PABIR3: variants seen among roughly 807,000 people sequenced by gnomAD.
The protein encoded by PABIR3 is PABIR family member 3.
A neutral mutation model predicts 23.1 loss-of-function variants in PABIR3; 20 were observed. The observed-to-expected ratio is 0.86, with a 90% CI of 0.61 to 1.26. PABIR3 has a LOEUF of 1.26. PABIR3 is among the 50% of genes most tolerant of loss of function. PABIR3 has a pLI of 0.00. For synonymous variants in PABIR3, 69 were observed against 68.5 expected (o/e 1.01, Z -0.04); for missense variants, 189 against 195.4 (o/e 0.97, Z 0.20).
chrX:134,849,117 G>A, intron 8 of PABIR3, 50 bp from the exon 9 acceptor site: 1 of 656,878 alleles, frequency 1.5e-6, no homozygotes, highest in Non-Finnish European at 2.1e-6. Context: ...AGTCATTGTT[G>A]ATTTTGTTAA....
At chrX:134,854,965 A>T (rs1054768138), downstream of PABIR3, 4 of 111,974 alleles carry the variant, frequency 3.6e-5, no homozygotes, top group Non-Finnish European at 7.5e-5. Context: ...CGTTTTATTC[A>T]TCATCATGAC....
At chrX:134,827,326 C>T (rs2081551077) in intron 3 of PABIR3, among the ~76,000 whole-genome samples, 2 of 111,233 alleles carry the variant, frequency 1.8e-5, no homozygotes, top group Non-Finnish European at 3.8e-5. Flanking sequence ...CCTCTTACTG[C>T]CTTTCATGGC....
chrX:134,849,120 T>A lies in PABIR3; in HGVS notation c.528-47T>A, dbSNP rs1255489444. The A allele has an allele frequency of 1.1e-5, 8 of 705,297 alleles. No homozygotes were observed. In the African/African-American group the frequency reaches 1.8e-4, roughly 16 times the overall value. The allele number at this position is 705,297 out of a possible 1,213,427, so 58.1% of individuals were successfully genotyped here. On this transcript the variant is annotated intron_variant, in intron 8 of 10. Coordinates refer to ENST00000645433, the MANE Select transcript of PABIR3 (RefSeq NM_001388447.1). Reference sequence around the variant, plus strand: ...TTATAATGAAATAGTCATTGTTGATTTTGTTAAAAAAAATTTCTTATAATG... The same window carrying A: ...TTATAATGAAATAGTCATTGTTGATATTGTTAAAAAAAATTTCTTATAATG...
intron 2 of PABIR3, among the ~76,000 whole-genome samples, chrX:134,812,670 C>T (rs1216707546): frequency 9.0e-6 from 1 of 111,136 alleles, no homozygotes; most frequent in African/African-American, 3.3e-5. Context: ...GAAATTACAG[C>T]GGGACTGGTG....
chrX:134,822,086 T>C (rs1432079988), intron 3 of PABIR3: 1 of 752,306 alleles, frequency 1.3e-6, no homozygotes, highest in Non-Finnish European at 1.6e-6. Flanking sequence ...CCGCTACTTC[T>C]ACTCCCAGCC....
intron 7 of PABIR3, 52 bp downstream of exon 7, chrX:134,847,527 T>C: frequency 1.1e-6 from 1 of 902,357 alleles, no homozygotes. Flanking sequence ...TTAGGAAATA[T>C]TTAGGAACAT....
chrX:134,859,711 T>TC (rs2082763588), downstream of PABIR3, among the ~76,000 whole-genome samples: 1 of 112,212 alleles, frequency 8.9e-6, no homozygotes, highest in African/African-American at 3.2e-5. Flanking sequence ...AAGAGCTTTT[T>TC]CTTTTTCCTT....
intron 9 of PABIR3, among the ~76,000 whole-genome samples, chrX:134,851,397 G>A (rs931839492): frequency 9.1e-6 from 1 of 109,911 alleles, no homozygotes; most frequent in African/African-American, 3.3e-5. Context: ...TTAGCCAAGG[G>A]TGGTGGTGTG....
At chrX:134,823,331 A>G (rs1019596268) in intron 3 of PABIR3, among the ~76,000 whole-genome samples, 1 of 112,175 alleles carries the variant, frequency 8.9e-6, no homozygotes, top group Admixed American at 9.5e-5. Flanking sequence ...TATAGAAAGT[A>G]TATGTATACA....
chrX:134,855,137 A>G (rs2082741288), downstream of PABIR3, among the ~76,000 whole-genome samples: 1 of 110,887 alleles, frequency 9.0e-6, no homozygotes, highest in African/African-American at 3.3e-5. Flanking sequence ...ATTATGTGTT[A>G]AAAAATTTAA....
At chrX:134,809,637 C>A (rs2080516659) in intron 2 of PABIR3, 1 of 740,855 alleles carries the variant, frequency 1.3e-6, no homozygotes, top group Non-Finnish European at 1.6e-6. Context: ...TTGTAATTCA[C>A]AGTACCATAG....
intron 9 of PABIR3, among the ~76,000 whole-genome samples, chrX:134,850,065 G>A (rs2082577570): frequency 9.3e-6 from 1 of 107,531 alleles, no homozygotes; most frequent in Non-Finnish European, 1.9e-5. Context: ...AGTAGAGACA[G>A]AGTTTCACCA....
At chrX:134,836,155 G>A (rs991194100) in intron 4 of PABIR3, among the ~76,000 whole-genome samples, 1 of 111,180 alleles carries the variant, frequency 9.0e-6, no homozygotes, top group Non-Finnish European at 1.9e-5. Flanking sequence ...TAAATTTTTG[G>A]AGAGATGACG....
Position 134,854,482 on chromosome X carries a change from G to A in PABIR3, c.*265G>A, listed in dbSNP as rs761440517. ...TCAGAACCATGTTGAAGATACAAGCGTAAATTGTTAGGCTGCTATTTTCTA... is the reference window on the plus strand; with the variant it reads ...TCAGAACCATGTTGAAGATACAAGCATAAATTGTTAGGCTGCTATTTTCTA... On this transcript the variant is annotated 3_prime_UTR_variant, in exon 11 of 11. Coordinates refer to ENST00000645433, the MANE Select transcript of PABIR3 (RefSeq NM_001388447.1). 3 of 245,512 alleles carry A rather than the reference G, an allele frequency of 1.2e-5. No homozygotes were observed. The highest frequency in any genetic ancestry group is 2.8e-5 in the African/African-American group (1 of 35,314). 20.2% of individuals were successfully genotyped at this position (245,512 alleles called of 1,213,427 possible). A position where few individuals can be genotyped will look rare whatever the true frequency, so the allele number is the denominator to read the frequency against.
At chrX:134,814,530 T>C (rs1213720256) in intron 2 of PABIR3, among the ~76,000 whole-genome samples, 1 of 110,626 alleles carries the variant, frequency 9.0e-6, no homozygotes, top group Non-Finnish European at 1.9e-5. Flanking sequence ...AAACCTCGTC[T>C]CTACTAAAAA....
At chrX:134,804,325 A>G (rs1001113163), upstream of PABIR3, 16 of 827,635 alleles carry the variant, frequency 1.9e-5, no homozygotes, top group Admixed American at 2.8e-5. Context: ...ATTGTAGCAT[A>G]TAGAATTCTT....
rs1285969353 is a variant in PABIR3 at position 134,852,909 on chromosome X, A to G, written c.686+13A>G. On this transcript the variant is annotated intron_variant, in intron 10 of 10. Transcript: ENST00000645433. Reference sequence around the variant, plus strand: ...AAAATAATGTGTAGTGAGTATTAACATGAGATTTTAAACATTCATTGATCA... The same window carrying G: ...AAAATAATGTGTAGTGAGTATTAACGTGAGATTTTAAACATTCATTGATCA... The G allele has an allele frequency of 3.8e-6, 4 of 1,066,051 alleles. No individual in the cohort carries two copies. Among genetic ancestry groups the G allele is most frequent in the Admixed American group, 6.5e-5 (2 of 30,945 alleles). The allele number at this position is 1,066,051 out of a possible 1,213,427, so 87.9% of individuals were successfully genotyped here.
chrX:134,847,529 TAGGAA>T, intron 7 of PABIR3, 54 bp downstream of exon 7: 1 of 899,859 alleles, frequency 1.1e-6, no homozygotes, highest in Non-Finnish European at 1.6e-6. Flanking sequence ...AGGAAATATT[TAGGAA>T]CATTAATGGT....
At position 134,820,896 on chromosome X, in the gene PABIR3, C is replaced by T. The variant is rs897182194; in HGVS notation, c.189+6047C>T. 5.5e-5 allele frequency among the ~76,000 whole-genome samples: 6 copies of T among 108,228 alleles called. No individual in the cohort carries two copies. The South Asian group carries it at 2.4e-3, about 44-fold the overall frequency. The allele number at this position is 108,228 out of a possible 115,157, so 94.0% of individuals were successfully genotyped here. ...AATTAGCCAGGTCTGGTGGCACGCG[C>T]CTGTAATCCCAGTTACTTGGGAGGC... On this transcript the variant is annotated intron_variant, in intron 3 of 10. Transcript: ENST00000645433.
Sources: allele counts gnomAD v4.1 joint callset (sites outside exome capture counted in the v4.1 genomes callset), GRCh38; gene constraint gnomAD v4.1.1; transcripts MANE v1.5; gene names NCBI Gene and HGNC (gene_info 2026-07-23, HGNC 2026-07-21).